The following RBM39 variants were observed in gnomAD, a reference collection of about 807,000 sequenced individuals.
The protein encoded by RBM39 is RNA-binding protein 39.
RBM39 carries 12 observed loss-of-function variants against 79.6 expected under a neutral mutation model. The observed-to-expected ratio is 0.15, with a 90% CI of 0.10 to 0.24. The LOEUF is 0.24. Ranked by LOEUF, RBM39 falls within the 10% of genes least tolerant of loss-of-function variation. RBM39 has a pLI of 1.00. For synonymous variants in RBM39, 185 were observed against 208.4 expected (o/e 0.89, Z 0.97); for missense variants, 243 against 653.4 (o/e 0.37, Z 6.85).
intron 3 of RBM39, among the ~76,000 whole-genome samples, chr20:35,735,614 G>C (rs150918776): frequency 6.6e-6 from 1 of 152,190 alleles, no homozygotes; most frequent in Non-Finnish European, 1.5e-5. Flanking sequence ...TTAAAGCAGA[G>C]TGTTCTGTAT....
intron 2 of RBM39, 41 bp downstream of exon 2, chr20:35,740,783 A>C: frequency 6.4e-7 from 1 of 1,574,610 alleles, no homozygotes; most frequent in Non-Finnish European, 8.7e-7. Flanking sequence ...ATAATGCTAA[A>C]TTAAGAAATA....
rs566937018 is a variant in RBM39, at chr20:35,701,549, G to A, written c.*2932C>T. On this transcript the variant is annotated 3_prime_UTR_variant, in exon 17 of 17. Transcript: ENST00000253363. Reference sequence around the variant, plus strand: ...CTGGTGGATCACAAGGTCAGGAGATGGAGACCATCTTGGGTAACACGGTGA... The same window carrying A: ...CTGGTGGATCACAAGGTCAGGAGATAGAGACCATCTTGGGTAACACGGTGA... 1 of 152,420 alleles carries A rather than the reference G, an allele frequency of 6.6e-6. No homozygotes were observed. Among genetic ancestry groups the A allele is most frequent in the East Asian group, 1.9e-4 (1 of 5,138 alleles). 9.4% of individuals were successfully genotyped at this position (152,420 alleles called of 1,614,324 possible).
At chr20:35,721,296 T>C (rs964418459) in intron 9 of RBM39, among the ~76,000 whole-genome samples, 4 of 152,196 alleles carry the variant, frequency 2.6e-5, no homozygotes, top group Non-Finnish European at 5.9e-5. Flanking sequence ...AAAAAAATCC[T>C]ACTAAAAAAT....
At chr20:35,723,653 G>A (rs1251483369) in intron 8 of RBM39, among the ~76,000 whole-genome samples, 8 of 152,086 alleles carry the variant, frequency 5.3e-5, no homozygotes, top group Admixed American at 5.2e-4. Context: ...GGCCAGGCTG[G>A]TCTCGAACTC....
At position 35,732,142 on chromosome 20, in the gene RBM39, A is replaced by G; in HGVS notation, c.102-7T>C. 4 of 1,613,742 alleles carry G rather than the reference A, an allele frequency of 2.5e-6. No individual in the cohort carries two copies. The highest frequency in any genetic ancestry group is 3.4e-6 in the Non-Finnish European group (4 of 1,179,904). ...GCTCTTGCTTTTTTTCCTCCTGAGA[A>G]GAAAAAAACTCGCCATTATCATGCT... On this transcript the variant is annotated splice_region_variant and splice_polypyrimidine_tract_variant and intron_variant, in intron 3 of 16. Transcript: ENST00000253363.
At chr20:35,724,405 CTG>C (rs1368922139) in intron 8 of RBM39, among the ~76,000 whole-genome samples, 163 bp downstream of exon 8, 1 of 149,570 alleles carries the variant, frequency 6.7e-6, no homozygotes, top group Non-Finnish European at 1.5e-5. Context: ...CTTGAGAAAA[CTG>C]TATCAATGTT....
chr20:35,705,206 T>C lies in RBM39; in HGVS notation c.1413+19A>G, dbSNP rs749135359. On this transcript the variant is annotated intron_variant, in intron 15 of 16. Transcript: ENST00000253363. ...GAGACGAACAACCTAACATCATTTA[T>C]AAAAAAAGATGAAAATACCTGAGCT... 1.4e-6 allele frequency: 2 copies of C among 1,411,652 alleles called. No homozygotes were observed. Among genetic ancestry groups the C allele is most frequent in the Non-Finnish European group, 2.0e-6 (2 of 1,020,060 alleles). The allele number at this position is 1,411,652 out of a possible 1,614,324, so 87.4% of individuals were successfully genotyped here. A position where few individuals can be genotyped will look rare whatever the true frequency, so the allele number is the denominator to read the frequency against.
chr20:35,740,911 C>T, intron 1 of RBM39, 24 bp from the exon 2 acceptor site: 1 of 1,534,988 alleles, frequency 6.5e-7, no homozygotes, highest in Non-Finnish European at 9.0e-7. Flanking sequence ...AAGACAATTT[C>T]TTGAGTAAAC....
In RBM39 at chr20:35,721,889, AATACAC is replaced by A; in HGVS notation, c.688-18_688-13del. On this transcript the variant is annotated splice_polypyrimidine_tract_variant and intron_variant, in intron 8 of 16. Coordinates refer to ENST00000253363, the MANE Select transcript of RBM39 (RefSeq NM_184234.3). ...CTGTTTTTTTCTGCCTAGAAGACAA[AATACAC>A]GTCACACAGAGATAACACACAGCAG... 6.2e-7 allele frequency: 1 copy of A among 1,611,752 alleles called. No homozygotes were observed. The highest frequency in any genetic ancestry group is 1.3e-5 in the African/African-American group (1 of 74,938).
rs748200166 is a variant in RBM39 at position 35,734,949 on chromosome 20, A to G, written c.102-2814T>C. The G allele has an allele frequency of 7.5e-6, 12 of 1,602,662 alleles. No homozygotes were observed. In the African/African-American group the frequency reaches 9.4e-5, roughly 13 times the overall value. ...GCAGTGAAATTTTGTACTGAACATC[A>G]CTGAAGTAAATGGTCCACTGGGCTG... is the stretch of plus-strand genomic sequence containing the variant. On this transcript the variant is annotated intron_variant, in intron 3 of 16. Transcript: ENST00000253363.
chr20:35,707,332 T>C, intron 13 of RBM39, 131 bp from the exon 14 acceptor site: 1 of 492,720 alleles, frequency 2.0e-6, no homozygotes, highest in Non-Finnish European at 3.6e-6. Flanking sequence ...TTTTACCTTA[T>C]TTAATATTGC....
At chr20:35,726,274 G>T (rs1423932154) in intron 6 of RBM39, among the ~76,000 whole-genome samples, 1 of 152,066 alleles carries the variant, frequency 6.6e-6, no homozygotes, top group Non-Finnish European at 1.5e-5. Context: ...TGGGACTACA[G>T]GTGTGTGCCA....
chr20:35,721,258 T>C (rs1200048678), intron 9 of RBM39, among the ~76,000 whole-genome samples: 1 of 152,152 alleles, frequency 6.6e-6, no homozygotes, highest in Non-Finnish European at 1.5e-5. Flanking sequence ...CTTAAGATAT[T>C]CAACTTTCTT....
rs2035324224 is a variant in RBM39 at position 35,702,366 on chromosome 20, A to G, written c.*2115T>C. 6.6e-6 allele frequency: 1 copy of G among 152,192 alleles called. No homozygotes were observed. Among genetic ancestry groups the G allele is most frequent in the Non-Finnish European group, 1.5e-5 (1 of 68,028 alleles). The allele number at this position is 152,192 out of a possible 1,614,324, so 9.4% of individuals were successfully genotyped here. A position where few individuals can be genotyped will look rare whatever the true frequency, so the allele number is the denominator to read the frequency against. On this transcript the variant is annotated 3_prime_UTR_variant, in exon 17 of 17. Transcript: ENST00000253363. ...CAGAATGAGCTGTTTTCTATGCACG[A>G]CACTATTCAAGTTACTACACTCCAA...
At chr20:35,715,509 GGTT>G (rs2036997295) in intron 10 of RBM39, among the ~76,000 whole-genome samples, 1 of 151,888 alleles carries the variant, frequency 6.6e-6, no homozygotes, top group Non-Finnish European at 1.5e-5. Context: ...TTCTGGTCTT[GGTT>G]GTGAGGTATG....
intron 10 of RBM39, among the ~76,000 whole-genome samples, chr20:35,716,131 T>C (rs973422794): frequency 2.6e-5 from 4 of 152,178 alleles, no homozygotes; most frequent in African/African-American, 9.6e-5. Flanking sequence ...TGCAGCGCAA[T>C]AGCACAATCT....
At position 35,717,140 on chromosome 20, in the gene RBM39, C is replaced by T. The variant is rs150300201; in HGVS notation, c.826-335G>A. Among the ~76,000 whole-genome samples the T allele has an allele frequency of 1.2e-3, 181 of 152,102 alleles. 4 individuals carry two copies. The East Asian group carries it at 0.022, about 19-fold the overall frequency. On this transcript the variant is annotated intron_variant, in intron 9 of 16. Coordinates refer to ENST00000253363, the MANE Select transcript of RBM39 (RefSeq NM_184234.3). ...ACCAAAAATACAAAAATTGTCTGGG[C>T]TTGGTGGCGCATGCCTGTACGCCCA...
intron 10 of RBM39, among the ~76,000 whole-genome samples, chr20:35,715,038 T>C (rs73093186): frequency 2.0e-5 from 3 of 152,310 alleles, no homozygotes; most frequent in Non-Finnish European, 4.4e-5. Context: ...TAATGACCAG[T>C]AAGTTAAACA....
In RBM39 at chr20:35,714,174, G is replaced by A. The variant is rs1050464601; in HGVS notation, c.1096+11C>T. ...CACAGTAAATCATTCGTAATAGCAA[G>A]AAACACTTACCCTCTGCAAGTCTTG... On this transcript the variant is annotated intron_variant, in intron 11 of 16. Transcript: ENST00000253363. 4.3e-6 allele frequency: 7 copies of A among 1,610,792 alleles called. No homozygotes were observed. The African/African-American group carries it at 9.4e-5, about 22-fold the overall frequency.
Sources: allele counts gnomAD v4.1 joint callset (sites outside exome capture counted in the v4.1 genomes callset), GRCh38; gene constraint gnomAD v4.1.1; transcripts MANE v1.5; gene names NCBI Gene and HGNC (gene_info 2026-07-23, HGNC 2026-07-21).